Variants in DNAAF3 observed in about 807,000 individuals in gnomAD.
DNAAF3 encodes the protein dynein axonemal assembly factor 3.
Under a neutral mutation model 50.9 loss-of-function variants are expected in DNAAF3, and 40 were observed. That is an observed-to-expected ratio of 0.79 (90% CI 0.61 to 1.02). The LOEUF is 1.02. Ranked by LOEUF, DNAAF3 falls within the 50% of genes least tolerant of loss-of-function variation. The pLI is 0.00. For synonymous variants in DNAAF3, 327 were observed against 322.8 expected (o/e 1.01, Z -0.14); for missense variants, 763 against 744.7 (o/e 1.02, Z -0.29).
rs551100219 is a variant in DNAAF3, at chr19:55,162,250, C to G, written c.363G>C (p.Leu121=). The part of the protein sequence containing the change: ...ETFLEVWGNA[L]LRPPVAAFVR... ...CGAAGGCGGCCACTGGCGGGCGCAG[C>G]AGCGCGTTCCCCCACACTTCCAGGA... is the stretch of plus-strand genomic sequence containing the variant. Residue 121 remains leucine, a synonymous_variant, in exon 5 of 12, where the codon CTG becomes CTC. Coordinates refer to ENST00000524407, the MANE Select transcript of DNAAF3 (RefSeq NM_001256715.2). The G allele has an allele frequency of 2.2e-5, 28 of 1,249,318 alleles. No homozygotes were observed. Among genetic ancestry groups the G allele is most frequent in the Middle Eastern group, 2.2e-4 (1 of 4,596 alleles). 77.4% of individuals were successfully genotyped at this position (1,249,318 alleles called of 1,614,324 possible).
In DNAAF3 at chr19:55,161,123, A is replaced by C; in HGVS notation, c.854T>G (p.Phe285Cys). ...GCTCTCGTCGTCCGCTTCGATGCCG[A>C]AGGCCACGAAGGGCCCCGTGGCGAT... ...GDIATGPFVA[F>C]GIEADDESLL... Residue 285 changes from phenylalanine to cysteine, a missense_variant, in exon 8 of 12, where the codon TTC becomes TGC. Transcript: ENST00000524407. This position sits in a 1 kb window ranked among gnomAD's most constrained non-coding sequence, Gnocchi z 6.4. 1.9e-6 allele frequency: 3 copies of C among 1,547,750 alleles called. No homozygotes were observed. Among genetic ancestry groups the C allele is most frequent in the Non-Finnish European group, 2.6e-6 (3 of 1,147,412 alleles).
At position 55,166,276 on chromosome 19, in the gene DNAAF3, T is replaced by C; in HGVS notation, c.85+53A>G. 6.3e-7 allele frequency: 1 copy of C among 1,595,554 alleles called. No homozygotes were observed. The highest frequency in any genetic ancestry group is 8.5e-7 in the Non-Finnish European group (1 of 1,170,392). On this transcript the variant is annotated intron_variant, in intron 2 of 11. Coordinates refer to ENST00000524407, the MANE Select transcript of DNAAF3 (RefSeq NM_001256715.2). This position sits in a 1 kb window ranked among gnomAD's most constrained non-coding sequence, Gnocchi z 4.0. Reference sequence around the variant, plus strand: ...GGACTACGAGCTCTAAAAGGCCGTCTGCTCAGGCTGGGAAGGCAGACGGTG... The same window carrying C: ...GGACTACGAGCTCTAAAAGGCCGTCCGCTCAGGCTGGGAAGGCAGACGGTG...
At chr19:55,165,282 CT>C (rs35395507) in intron 4 of DNAAF3, 87 bp downstream of exon 4, 1 of 1,337,558 alleles carries the variant, frequency 7.5e-7, no homozygotes, top group Non-Finnish European at 1.1e-6. Context: ...AATAACCAAA[CT>C]TTTTAATTGT....
At chr19:55,165,811 C>T (rs1246196769) in intron 3 of DNAAF3, 47 bp downstream of exon 3, 2 of 1,596,448 alleles carry the variant, frequency 1.3e-6, no homozygotes, top group Non-Finnish European at 1.7e-6. Context: ...ATCCCTTCCT[C>T]CCTCAAGGAC....
Position 55,160,043 on chromosome 19 carries a change from T to C in DNAAF3, c.1049-30A>G, listed in dbSNP as rs760412676. 2.7e-6 allele frequency: 4 copies of C among 1,481,358 alleles called. No homozygotes were observed. The Admixed American group carries it at 6.7e-5, about 25-fold the overall frequency. 91.8% of individuals were successfully genotyped at this position (1,481,358 alleles called of 1,614,324 possible). A position where few individuals can be genotyped will look rare whatever the true frequency, so the allele number is the denominator to read the frequency against. On this transcript the variant is annotated intron_variant, in intron 9 of 11. Coordinates refer to ENST00000524407, the MANE Select transcript of DNAAF3 (RefSeq NM_001256715.2). The surrounding 1 kb of genome is among the most constrained non-coding windows in gnomAD (Gnocchi z 4.7). ...GGGAAGGGGATAGAGGGGTCACCTCTGACAGGCGGAGCCATAAGGGCGGAA... is the reference window on the plus strand; with the variant it reads ...GGGAAGGGGATAGAGGGGTCACCTCCGACAGGCGGAGCCATAAGGGCGGAA...
At chr19:55,159,856 C>T (rs1283828253) in intron 10 of DNAAF3, 43 bp downstream of exon 10, 2 of 1,601,908 alleles carry the variant, frequency 1.2e-6, no homozygotes, top group Non-Finnish European at 1.7e-6. Context: ...GGGCTGGGGG[C>T]CTGATCCTGG....
In DNAAF3 at chr19:55,166,405, T is replaced by C. The variant is rs758211479; in HGVS notation, c.9A>G (p.Thr3=). Residue 3 remains threonine, a synonymous_variant, in exon 2 of 12, where the codon ACA becomes ACG. Coordinates refer to ENST00000524407, the MANE Select transcript of DNAAF3 (RefSeq NM_001256715.2). The surrounding 1 kb of genome is among the most constrained non-coding windows in gnomAD (Gnocchi z 4.0). ...CGAAGCCGCTGCCGGAGCCGGCAGGTGTGGTCATCACCCTGCGGAAAAGAC... is the reference window on the plus strand; with the variant it reads ...CGAAGCCGCTGCCGGAGCCGGCAGGCGTGGTCATCACCCTGCGGAAAAGAC... The part of the protein sequence containing the change: MT[T]PAGSGSGFGS... The C allele has an allele frequency of 6.2e-7, 1 of 1,613,512 alleles. No individual in the cohort carries two copies. The highest frequency in any genetic ancestry group is 1.7e-5 in the Admixed American group (1 of 60,012).
intron 4 of DNAAF3, chr19:55,162,688 CA>C: frequency 9.1e-6 from 9 of 988,762 alleles, no homozygotes; most frequent in Non-Finnish European, 1.1e-5. Context: ...AACAACACAA[CA>C]GTAAAAAATA....
intron 3 of DNAAF3, 36 bp from the exon 4 acceptor site, chr19:55,165,499 C>T (rs757086794): frequency 6.2e-7 from 1 of 1,609,386 alleles, no homozygotes; most frequent in South Asian, 1.1e-5. Context: ...ATTCTGAGAC[C>T]TGTTTGCCTG....
rs2085931482 is a variant in DNAAF3 at position 55,165,948 on chromosome 19, C to T, written c.138G>A (p.Glu46=). Residue 46 remains glutamate, a synonymous_variant, in exon 3 of 12, where the codon GAG becomes GAA. Coordinates refer to ENST00000524407, the MANE Select transcript of DNAAF3 (RefSeq NM_001256715.2). ...CAGAGCCCAGAAGCAGCACATCTAG[C>T]TCGGGGTTGCTGTGCACTGTATCGG... ...SQADTVHSNP[E]LDVLLLGSVD... is the part of the protein sequence containing the mutation. 6.2e-7 allele frequency: 1 copy of T among 1,614,140 alleles called. No individual in the cohort carries two copies. Among genetic ancestry groups the T allele is most frequent in the African/African-American group, 1.3e-5 (1 of 74,952 alleles).
At chr19:55,165,725 G>A (rs1051354843) in intron 3 of DNAAF3, 133 bp downstream of exon 3, 169 of 1,453,630 alleles carry the variant, frequency 1.2e-4, no homozygotes, top group Non-Finnish European at 1.4e-4. Context: ...GCATCGGTTC[G>A]CTCCCAGCTT....
intron 4 of DNAAF3, chr19:55,162,725 G>T (rs1305264455): frequency 2.1e-6 from 2 of 961,098 alleles, no homozygotes; most frequent in African/African-American, 3.5e-5. Context: ...TATGGTGTAA[G>T]CATTTACATT....
At chr19:55,164,889 G>A (rs949624289) in intron 4 of DNAAF3, among the ~76,000 whole-genome samples, 1 of 152,032 alleles carries the variant, frequency 6.6e-6, no homozygotes, top group African/African-American at 2.4e-5. Context: ...GGTAGGAGGA[G>A]CTGAGGCTCT....
rs7260371 is a variant in DNAAF3, at chr19:55,161,201, G to A, written c.790-14C>T. The A allele has an allele frequency of 0.16, 256,775 of 1,580,790 alleles. 25,997 individuals carry two copies. The highest frequency in any genetic ancestry group is 0.49 in the African/African-American group (36,123 of 74,098). ...GCGCTCCCCACGCTGGAAAAGGAGGGAGAGAGGAGGCAGGTGAGGTCGATG... is the reference window on the plus strand; with the variant it reads ...GCGCTCCCCACGCTGGAAAAGGAGGAAGAGAGGAGGCAGGTGAGGTCGATG... On this transcript the variant is annotated splice_polypyrimidine_tract_variant and intron_variant, in intron 7 of 11. Coordinates refer to ENST00000524407, the MANE Select transcript of DNAAF3 (RefSeq NM_001256715.2). This position sits in a 1 kb window ranked among gnomAD's most constrained non-coding sequence, Gnocchi z 6.4.
chr19:55,162,402 A>C, intron 4 of DNAAF3, 112 bp from the exon 5 acceptor site: 1 of 1,168,286 alleles, frequency 8.6e-7, no homozygotes, highest in South Asian at 4.5e-5. Context: ...GAACCCCCGC[A>C]AACTCCCCAC....
In DNAAF3 at chr19:55,160,762, A is replaced by C. The variant is rs1429233158; in HGVS notation, c.926T>G (p.Ile309Ser). 1.2e-6 allele frequency: 2 copies of C among 1,610,978 alleles called. No homozygotes were observed. The highest frequency in any genetic ancestry group is 1.7e-6 in the Non-Finnish European group (2 of 1,179,572). ...CAGCTCCGTCACGTTGTGTTGAGTG[A>C]TCTCCCCGGCCGTCTAACAGTAGAA... Reference protein sequence around the residue: ...NGQPVKTAGEITQHNVTELLR... With the variant: ...NGQPVKTAGESTQHNVTELLR... The change falls in exon 9 of 12, where the codon ATC becomes AGC. Residue 309 changes from isoleucine to serine, a missense_variant. By Grantham distance (142) the Ile-to-Ser change is moderately radical (BLOSUM62 -2). Coordinates refer to ENST00000524407, the MANE Select transcript of DNAAF3 (RefSeq NM_001256715.2). This position sits in a 1 kb window ranked among gnomAD's most constrained non-coding sequence, Gnocchi z 4.7.
At chr19:55,162,592 A>G in intron 4 of DNAAF3, 4 of 975,760 alleles carry the variant, frequency 4.1e-6, no homozygotes, top group Non-Finnish European at 5.0e-6. Context: ...CCTCTAAAAT[A>G]AATAAATAAA....
Position 55,161,102 on chromosome 19 carries a change from T to C in DNAAF3, c.875A>G (p.Glu292Gly), listed in dbSNP as rs2365725. Reference sequence around the variant, plus strand: ...GCCGTTGCTCGTCCGCAGGAGGCTCTCGTCGTCCGCTTCGATGCCGAAGGC... The same window carrying C: ...GCCGTTGCTCGTCCGCAGGAGGCTCCCGTCGTCCGCTTCGATGCCGAAGGC... ...FVAFGIEADDESLLRTSNGQP... is the reference protein window; with the variant it reads ...FVAFGIEADDGSLLRTSNGQP... The change falls in exon 8 of 12, where the codon GAG becomes GGG. Residue 292 changes from glutamate (E) to glycine (G), a missense_variant. By Grantham distance (98) the Glu-to-Gly change is moderately conservative. Coordinates refer to ENST00000524407, the MANE Select transcript of DNAAF3 (RefSeq NM_001256715.2). This position sits in a 1 kb window ranked among gnomAD's most constrained non-coding sequence, Gnocchi z 6.4. 252,031 of 1,543,812 alleles carry C rather than the reference T, an allele frequency of 0.16. 25,671 individuals carry two copies. Among genetic ancestry groups the C allele is most frequent in the African/African-American group, 0.49 (35,717 of 72,900 alleles).
upstream of DNAAF3, chr19:55,166,654 A>G: frequency 6.2e-7 from 1 of 1,612,156 alleles, no homozygotes; most frequent in Non-Finnish European, 8.5e-7. The surrounding 1 kb of genome is among the most constrained non-coding windows in gnomAD (Gnocchi z 4.0). Flanking sequence ...AGCATGTGGG[A>G]TGGGACCACA....
Sources: gnomAD v4.1 joint callset for allele counts (sites outside exome capture counted in the v4.1 genomes callset) on GRCh38, gnomAD v4.1.1 for gene constraint, Gnocchi (gnomAD v3.1) non-coding constraint, MANE v1.5 for transcripts, NCBI Gene and HGNC (gene_info 2026-07-23, HGNC 2026-07-21) for gene names.